Variants in C1orf52 observed in about 807,000 individuals in gnomAD.
The protein encoded by C1orf52 is chromosome 1 open reading frame 52.
C1orf52 carries 5 observed loss-of-function variants against 17.2 expected under a neutral mutation model. That is an observed-to-expected ratio of 0.29 (90% CI 0.15 to 0.61). The LOEUF (loss-of-function observed/expected upper bound fraction) is 0.61, where lower values mean the gene tolerates loss of function less well. C1orf52 is among the 20% of genes least tolerant of loss of function. The pLI is 0.85. For synonymous variants in C1orf52, 110 were observed against 88.0 expected (o/e 1.25, Z -1.40); for missense variants, 245 against 234.1 (o/e 1.05, Z -0.30).
rs1196849578 is a variant in C1orf52, at chr1:85,255,410, C to T, written c.476-2708G>A. On this transcript the variant is annotated intron_variant, in intron 2 of 2. Coordinates refer to ENST00000471115, the MANE Select transcript of C1orf52 (RefSeq NM_198077.4). ...ACTAAAAATACAAAAATTAGCTGGG[C>T]GTGGTGGCGTGTGCCTGTAGTCCCA... Among the ~76,000 whole-genome samples the T allele has an allele frequency of 1.1e-4, 16 of 152,156 alleles. 1 individual carries two copies. The highest frequency in any genetic ancestry group is 4.2e-4 in the South Asian group (2 of 4,814).
Position 85,259,520 on chromosome 1 carries a change from G to C in C1orf52, c.114C>G (p.Thr38=). ...CGCCCGCCGACTTCGCCGGATCCGG[G>C]GTTCTGCGACTCGTCTCCTCCGGCT... ...NIEPEETSRR[T]PDPAKSAGGC... The change falls in exon 1 of 3, where the codon ACC becomes ACG. Residue 38 remains threonine, a synonymous_variant. Transcript: ENST00000471115. 6.2e-7 allele frequency: 1 copy of C among 1,613,912 alleles called. No homozygotes were observed. Among genetic ancestry groups the C allele is most frequent in the Non-Finnish European group, 8.5e-7 (1 of 1,180,020 alleles).
At chr1:85,254,123 A>T (rs1407306409) in intron 2 of C1orf52, among the ~76,000 whole-genome samples, 1 of 152,186 alleles carries the variant, frequency 6.6e-6, no homozygotes, top group East Asian at 1.9e-4. Flanking sequence ...TGCTGACTGT[A>T]CCATAATCAG....
chr1:85,251,777 A>AC lies in C1orf52; in HGVS notation c.*851_*852insG. ...GCACAGATGACAAGTACAGTCATCC[A>AC]ATCAGGAGAGGAAAAGATCTCTACT... On this transcript the variant is annotated 3_prime_UTR_variant, in exon 3 of 3. Transcript: ENST00000471115. 1 of 152,264 alleles carries AC rather than the reference A, an allele frequency of 6.6e-6. No individual in the cohort carries two copies. Among genetic ancestry groups the AC allele is most frequent in the East Asian group, 1.9e-4 (1 of 5,200 alleles). The allele number at this position is 152,264 out of a possible 1,614,324, so 9.4% of individuals were successfully genotyped here. A position where few individuals can be genotyped will look rare whatever the true frequency, so the allele number is the denominator to read the frequency against.
rs1660031690 is a variant in C1orf52, at chr1:85,259,376, G to A, written c.258C>T (p.Val86=). 2 of 1,611,522 alleles carry A rather than the reference G, an allele frequency of 1.2e-6. No homozygotes were observed. Among genetic ancestry groups the A allele is most frequent in the Non-Finnish European group, 1.7e-6 (2 of 1,177,860 alleles). The change falls in exon 1 of 3, where the codon GTC becomes GTT. Residue 86 remains valine (V), a synonymous_variant. Coordinates refer to ENST00000471115, the MANE Select transcript of C1orf52 (RefSeq NM_198077.4). ...ACCTCACCTCCTCAGGCGCCTTGAC[G>A]ACGTGCCTCTCCCAGTCTATCTGTT... ...LNKQIDWERH[V]VKAPEEPPKE... is the part of the protein sequence containing the mutation.
rs538183210 is a variant in C1orf52, at chr1:85,250,511, T to C, written c.*2118A>G. On this transcript the variant is annotated 3_prime_UTR_variant, in exon 3 of 3. Transcript: ENST00000471115. ...AATAATCTATTCTCTAATGTGATGA[T>C]GAATGTAGAGTGATATGACAGTCCG... 6.6e-6 allele frequency: 1 copy of C among 152,334 alleles called. No individual in the cohort carries two copies. The highest frequency in any genetic ancestry group is 2.4e-5 in the African/African-American group (1 of 41,574). The allele number at this position is 152,334 out of a possible 1,614,324, so 9.4% of individuals were successfully genotyped here. A position where few individuals can be genotyped will look rare whatever the true frequency, so the allele number is the denominator to read the frequency against.
Position 85,259,626 on chromosome 1 carries a change from GC to G in C1orf52, c.7del (p.Ala3ArgfsTer7). 3.9e-6 allele frequency: 6 copies of G among 1,555,390 alleles called. No individual in the cohort carries two copies. The highest frequency in any genetic ancestry group is 5.2e-6 in the Non-Finnish European group (6 of 1,149,022). On this transcript the variant is annotated frameshift_variant, in exon 1 of 3. Transcript: ENST00000471115. LOFTEE classifies it high-confidence loss of function. ...ATAGCTCAGAGGGTCCTTCTCCTCC[GC>G]TGCCATGACGGCTGCGAGCGACAAC... MA[A>X]EEKDPLSYFA...
chr1:85,250,538 T>C lies in C1orf52; in HGVS notation c.*2091A>G. The C allele has an allele frequency of 6.6e-6, 1 of 152,164 alleles. No individual in the cohort carries two copies. The highest frequency in any genetic ancestry group is 1.9e-4 in the East Asian group (1 of 5,198). 9.4% of individuals were successfully genotyped at this position (152,164 alleles called of 1,614,324 possible). A position where few individuals can be genotyped will look rare whatever the true frequency, so the allele number is the denominator to read the frequency against. Reference sequence around the variant, plus strand: ...AATGTAGAGTGATATGACAGTCCGTTTTCCAACCAGGAGATACAAATGGCT... The same window carrying C: ...AATGTAGAGTGATATGACAGTCCGTCTTCCAACCAGGAGATACAAATGGCT... On this transcript the variant is annotated 3_prime_UTR_variant, in exon 3 of 3. Transcript: ENST00000471115.
chr1:85,259,376 G>C lies in C1orf52; in HGVS notation c.258C>G (p.Val86=). Residue 86 remains valine, a synonymous_variant, in exon 1 of 3, where the codon GTC becomes GTG. Coordinates refer to ENST00000471115, the MANE Select transcript of C1orf52 (RefSeq NM_198077.4). ...LNKQIDWERH[V]VKAPEEPPKE... The stretch of plus-strand genomic sequence containing the variant: ...ACCTCACCTCCTCAGGCGCCTTGAC[G>C]ACGTGCCTCTCCCAGTCTATCTGTT... 3 of 1,611,522 alleles carry C rather than the reference G, an allele frequency of 1.9e-6. No individual in the cohort carries two copies. The highest frequency in any genetic ancestry group is 1.7e-6 in the Non-Finnish European group (2 of 1,177,860).
At chr1:85,254,324 T>C (rs10158486) in intron 2 of C1orf52, among the ~76,000 whole-genome samples, 29,695 of 152,032 alleles carry the variant, frequency 0.2, 2,972 homozygotes, top group Middle Eastern at 0.22. Flanking sequence ...TAGTTCATCA[T>C]GTTCATACAA....
intron 2 of C1orf52, among the ~76,000 whole-genome samples, chr1:85,254,680 C>A (rs1047891803): frequency 1.3e-5 from 2 of 152,216 alleles, no homozygotes; most frequent in Non-Finnish European, 2.9e-5. Context: ...CGTGAGCCAC[C>A]GCACCCGGCA....
At position 85,252,610 on chromosome 1, in the gene C1orf52, A is replaced by G. The variant is rs1310361078; in HGVS notation, c.*19T>C. On this transcript the variant is annotated 3_prime_UTR_variant, in exon 3 of 3. Coordinates refer to ENST00000471115, the MANE Select transcript of C1orf52 (RefSeq NM_198077.4). The stretch of plus-strand genomic sequence containing the variant: ...CATTTCAACAAGTTTAGCAGTACAG[A>G]AATTCTGGTCATTTGTTTCTACTTT... 2 of 1,608,656 alleles carry G rather than the reference A, an allele frequency of 1.2e-6. No individual in the cohort carries two copies. The highest frequency in any genetic ancestry group is 1.7e-6 in the Non-Finnish European group (2 of 1,175,510).
At chr1:85,255,985 T>A (rs933003473) in intron 2 of C1orf52, among the ~76,000 whole-genome samples, 2 of 152,248 alleles carry the variant, frequency 1.3e-5, no homozygotes, top group African/African-American at 4.8e-5. Context: ...AAGATAATTC[T>A]TTCTTGCTTG....
In C1orf52 at chr1:85,250,340, A is replaced by G. The variant is rs1659770817; in HGVS notation, c.*2289T>C. ...CAAGTGACTCGATTCTCTAAAATGAAAGATACTTGGACAGATGATTTTTCT... is the reference window on the plus strand; with the variant it reads ...CAAGTGACTCGATTCTCTAAAATGAGAGATACTTGGACAGATGATTTTTCT... On this transcript the variant is annotated 3_prime_UTR_variant, in exon 3 of 3. Transcript: ENST00000471115. The G allele has an allele frequency of 6.6e-6, 1 of 152,222 alleles. No individual in the cohort carries two copies. The highest frequency in any genetic ancestry group is 1.5e-5 in the Non-Finnish European group (1 of 68,052). The allele number at this position is 152,222 out of a possible 1,614,324, so 9.4% of individuals were successfully genotyped here.
chr1:85,253,570 A>G (rs370637695), intron 2 of C1orf52, among the ~76,000 whole-genome samples: 5 of 152,286 alleles, frequency 3.3e-5, no homozygotes, highest in African/African-American at 7.2e-5. Flanking sequence ...AGAAAAATAC[A>G]TATCTTCCTA....
chr1:85,257,074 T>A (rs780483473), intron 2 of C1orf52, among the ~76,000 whole-genome samples: 37 of 152,220 alleles, frequency 2.4e-4, no homozygotes, highest in Non-Finnish European at 4.3e-4. Flanking sequence ...CCTTGTATTG[T>A]GGGAAGATCA....
chr1:85,249,956 G>T lies in C1orf52; in HGVS notation c.*2673C>A, dbSNP rs1659759414. The T allele has an allele frequency of 1.3e-5, 2 of 156,922 alleles. No homozygotes were observed. Among genetic ancestry groups the T allele is most frequent in the African/African-American group, 2.4e-5 (1 of 41,490 alleles). The allele number at this position is 156,922 out of a possible 1,614,324, so 9.7% of individuals were successfully genotyped here. ...AGACATACCAGAGACTGGGCAATTTGCAAGAAACAGGTTTAATTGGACTTA... is the reference window on the plus strand; with the variant it reads ...AGACATACCAGAGACTGGGCAATTTTCAAGAAACAGGTTTAATTGGACTTA... On this transcript the variant is annotated 3_prime_UTR_variant, in exon 3 of 3. Coordinates refer to ENST00000471115, the MANE Select transcript of C1orf52 (RefSeq NM_198077.4).
At chr1:85,256,814 A>AG (rs1553178012) in intron 2 of C1orf52, among the ~76,000 whole-genome samples, 1 of 108,180 alleles carries the variant, frequency 9.2e-6, no homozygotes, top group Non-Finnish European at 1.8e-5. Context: ...AAAAAAAAAA[A>AG]AAAAGAAAAG....
chr1:85,257,471 G>T, intron 2 of C1orf52: 1 of 717,286 alleles, frequency 1.4e-6, no homozygotes, highest in South Asian at 1.5e-5. Context: ...ATCTTCAAGT[G>T]CTAGAAAGGG....
At position 85,259,393 on chromosome 1, in the gene C1orf52, C is replaced by T; in HGVS notation, c.241G>A (p.Asp81Asn). ...FLYNPLNKQI[D>N]WERHVVKAPE... is the part of the protein sequence containing the mutation. ...GCCTTGACGACGTGCCTCTCCCAGT[C>T]TATCTGTTTGTTGAGCGGATTGTAG... Residue 81 changes from aspartate to asparagine, a missense_variant, in exon 1 of 3, where the codon GAC becomes AAC. Asp to Asn is a conservative substitution (Grantham distance 23, BLOSUM62 1). Coordinates refer to ENST00000471115, the MANE Select transcript of C1orf52 (RefSeq NM_198077.4). 6.2e-7 allele frequency: 1 copy of T among 1,613,998 alleles called. No individual in the cohort carries two copies.
Sources: gnomAD v4.1 joint callset for allele counts (sites outside exome capture counted in the v4.1 genomes callset) on GRCh38, gnomAD v4.1.1 for gene constraint, MANE v1.5 for transcripts, NCBI Gene and HGNC (gene_info 2026-07-23, HGNC 2026-07-21) for gene names.